STAMBPL1: variants seen among roughly 807,000 people sequenced by gnomAD.
The protein encoded by STAMBPL1 is STAM binding protein like 1, also known as AMSH-like protease.
Under a neutral mutation model 52.9 loss-of-function variants are expected in STAMBPL1, and 44 were observed. That is an observed-to-expected ratio of 0.83 (90% CI 0.65 to 1.07). The LOEUF (loss-of-function observed/expected upper bound fraction) is 1.07, where lower values mean the gene tolerates loss of function less well. STAMBPL1 is among the 50% of genes least tolerant of loss of function. The probability of loss-of-function intolerance (pLI) is 0.00; values close to 1 mark genes in which losing one functional copy is unlikely to be tolerated. For synonymous variants in STAMBPL1, 164 were observed against 177.3 expected (o/e 0.92, Z 0.60); for missense variants, 511 against 520.8 (o/e 0.98, Z 0.18).
intron 5 of STAMBPL1, among the ~76,000 whole-genome samples, chr10:88,912,129 C>T (rs1845240985): frequency 6.6e-6 from 1 of 152,172 alleles, no homozygotes; most frequent in Admixed American, 6.5e-5. Context: ...CCTGTGAGCC[C>T]TTGCTTCACC....
chr10:88,916,291 C>G (rs1200371607), intron 7 of STAMBPL1, among the ~76,000 whole-genome samples: 1 of 151,856 alleles, frequency 6.6e-6, no homozygotes, highest in Non-Finnish European at 1.5e-5. Context: ...TAACTAGTGT[C>G]TCCCCCTCCA....
chr10:88,908,623 G>A lies in STAMBPL1; in HGVS notation c.249-79G>A, dbSNP rs79059229. 5.1e-4 allele frequency: 602 copies of A among 1,172,990 alleles called. 3 individuals carry two copies. In the African/African-American group the frequency reaches 8.8e-3, roughly 17 times the overall value. 72.7% of individuals were successfully genotyped at this position (1,172,990 alleles called of 1,614,324 possible). A position where few individuals can be genotyped will look rare whatever the true frequency, so the allele number is the denominator to read the frequency against. ...ATTAAACATGTCATTTTTGAAAAAG[G>A]ATCCTCATTCCCTTATTAGAAAGCA... On this transcript the variant is annotated intron_variant, in intron 3 of 10. Coordinates refer to ENST00000371926, the MANE Select transcript of STAMBPL1 (RefSeq NM_020799.4).
chr10:88,913,619 C>T (rs1845287986), intron 6 of STAMBPL1, among the ~76,000 whole-genome samples, 161 bp downstream of exon 6: 1 of 152,164 alleles, frequency 6.6e-6, no homozygotes, highest in South Asian at 2.1e-4. Context: ...TACTCTCTAG[C>T]TTTTACTATA....
chr10:88,901,769 G>T, intron 2 of STAMBPL1, 31 bp downstream of exon 2: 1 of 1,606,208 alleles, frequency 6.2e-7, no homozygotes, highest in South Asian at 1.1e-5. Flanking sequence ...TCTAACATTT[G>T]GTTGGAAAGC....
chr10:88,913,494 C>T (rs1218515598), intron 6 of STAMBPL1, 36 bp downstream of exon 6: 1 of 1,544,596 alleles, frequency 6.5e-7, no homozygotes, highest in Non-Finnish European at 8.8e-7. Context: ...AGACACTGAG[C>T]CTCATCGGAT....
chr10:88,892,370 GT>G (rs1361199843), intron 1 of STAMBPL1, among the ~76,000 whole-genome samples: 8 of 152,068 alleles, frequency 5.3e-5, no homozygotes, highest in African/African-American at 1.9e-4. Flanking sequence ...GTGTGTGTGT[GT>G]GTGTGTGGCC....
At chr10:88,892,960 A>G (rs1332698706) in intron 1 of STAMBPL1, among the ~76,000 whole-genome samples, 3 of 152,242 alleles carry the variant, frequency 2.0e-5, no homozygotes, top group African/African-American at 4.8e-5. Flanking sequence ...GACTCATTAT[A>G]CTTCATTGAA....
rs1844374742 is a variant in STAMBPL1, at chr10:88,880,573, C to CG, written c.-117dup. ...CAGCCGGACGGATGCCAAGGCCACA[C>CG]GGCAGCCACGGGGGCAGCCGTCGCA... On this transcript the variant is annotated 5_prime_UTR_variant, in exon 1 of 11. An upstream open reading frame in the 5' UTR loses its in-frame stop. Coordinates refer to ENST00000371926, the MANE Select transcript of STAMBPL1 (RefSeq NM_020799.4). 6.6e-6 allele frequency: 1 copy of CG among 152,288 alleles called. No homozygotes were observed. The highest frequency in any genetic ancestry group is 6.5e-5 in the Admixed American group (1 of 15,292). The allele number at this position is 152,288 out of a possible 1,614,324, so 9.4% of individuals were successfully genotyped here.
At chr10:88,886,553 G>T (rs528894822) in intron 1 of STAMBPL1, among the ~76,000 whole-genome samples, 2 of 152,136 alleles carry the variant, frequency 1.3e-5, no homozygotes, top group African/African-American at 4.8e-5. Flanking sequence ...CAATGCTTAG[G>T]TATAGTGGCA....
intron 2 of STAMBPL1, among the ~76,000 whole-genome samples, chr10:88,904,902 A>T (rs1845033986): frequency 6.6e-6 from 1 of 151,882 alleles, no homozygotes; most frequent in East Asian, 1.9e-4. Context: ...TCCAGGACTT[A>T]CTTGTGGGTT....
intron 8 of STAMBPL1, among the ~76,000 whole-genome samples, chr10:88,919,256 C>T (rs1048445532): frequency 2.0e-5 from 3 of 152,218 alleles, no homozygotes; most frequent in South Asian, 2.1e-4. Context: ...TATAATAGTA[C>T]TTATCTTGTT....
intron 4 of STAMBPL1, 24 bp downstream of exon 4, chr10:88,908,801 T>C (rs764176508): frequency 6.4e-7 from 1 of 1,574,604 alleles, no homozygotes; most frequent in East Asian, 2.3e-5. Context: ...TCTTCTCCAC[T>C]GTGGAATCAA....
At chr10:88,892,353 C>T (rs7072981) in intron 1 of STAMBPL1, among the ~76,000 whole-genome samples, 8 of 148,908 alleles carry the variant, frequency 5.4e-5, no homozygotes, top group Non-Finnish European at 7.5e-5. Context: ...TGTGCGTGTG[C>T]GTGTGTGTGT....
intron 8 of STAMBPL1, among the ~76,000 whole-genome samples, chr10:88,918,304 C>T (rs976556017): frequency 6.9e-6 from 1 of 145,200 alleles, no homozygotes; most frequent in African/African-American, 2.6e-5. Flanking sequence ...CACACACACA[C>T]ATACACACAC....
chr10:88,881,635 A>G (rs1844408659), intron 1 of STAMBPL1, among the ~76,000 whole-genome samples: 1 of 152,200 alleles, frequency 6.6e-6, no homozygotes, highest in Non-Finnish European at 1.5e-5. Flanking sequence ...TCAATAACGT[A>G]GATTTGTTCC....
intron 4 of STAMBPL1, among the ~76,000 whole-genome samples, chr10:88,910,281 C>G (rs1845187093): frequency 6.6e-6 from 1 of 152,122 alleles, no homozygotes; most frequent in Admixed American, 6.5e-5. Flanking sequence ...TTCAGTCTCT[C>G]CAGGCCTTTG....
At chr10:88,891,522 A>G (rs1364705880) in intron 1 of STAMBPL1, among the ~76,000 whole-genome samples, 1 of 152,214 alleles carries the variant, frequency 6.6e-6, no homozygotes, top group Admixed American at 6.5e-5. Flanking sequence ...CTTTTCAATT[A>G]TAAAGAGAAA....
chr10:88,921,170 T>A, intron 8 of STAMBPL1, 113 bp from the exon 9 acceptor site: 1 of 748,004 alleles, frequency 1.3e-6, no homozygotes. Context: ...TAAAAATCCT[T>A]ATTTGATTAA....
At chr10:88,892,825 C>T (rs7077019) in intron 1 of STAMBPL1, among the ~76,000 whole-genome samples, 10,999 of 152,242 alleles carry the variant, frequency 0.072, 1,014 homozygotes, top group African/African-American at 0.21. Context: ...TGTAGAACTA[C>T]TGTCCTTAAG....
Sources: allele counts gnomAD v4.1 joint callset (sites outside exome capture counted in the v4.1 genomes callset), GRCh38; gene constraint gnomAD v4.1.1; transcripts MANE v1.5; gene names NCBI Gene and HGNC (gene_info 2026-07-23, HGNC 2026-07-21).